Variants in FARP1 observed in about 807,000 individuals in gnomAD.
The protein encoded by FARP1 is FERM, ARHGEF and pleckstrin domain-containing protein 1.
A neutral mutation model predicts 128.8 loss-of-function variants in FARP1; 52 were observed. The observed-to-expected ratio is 0.40, with a 90% confidence interval of 0.32 to 0.51. The LOEUF (loss-of-function observed/expected upper bound fraction) is 0.51. FARP1 is among the 20% of genes least tolerant of loss of function. The pLI is 0.45. For synonymous variants in FARP1, 580 were observed against 551.8 expected, an observed-to-expected ratio of 1.05 and a Z score of -0.72; for missense variants, 1,333 against 1,367.9, an observed-to-expected ratio of 0.97 and a Z score of 0.40.
At chr13:98,326,363 AGTTCAG>A (rs1887232803) in intron 2 of FARP1, among the ~76,000 whole-genome samples, 1 of 152,248 alleles carries the variant, frequency 6.6e-6, no homozygotes, top group South Asian at 2.1e-4. Context: ...TTAAGCATAC[AGTTCAG>A]TAGCTTTTCG....
chr13:98,154,569 C>T (rs1405119057), intron 1 of FARP1, among the ~76,000 whole-genome samples: 7 of 152,102 alleles, frequency 4.6e-5, no homozygotes, highest in Non-Finnish European at 7.3e-5. Flanking sequence ...AATGGAACAG[C>T]GCCAGCGGGA....
In FARP1 at chr13:98,176,847, G is replaced by A. The variant is rs185956021; in HGVS notation, c.-24+33355G>A. The stretch of plus-strand genomic sequence containing the variant: ...GCAGTGCCTCCTGGACCCGCTGGCT[G>A]CACTTGAGGATGGTCGGCGTATGGT... On this transcript the variant is annotated intron_variant, in intron 1 of 26. Transcript: ENST00000319562. The surrounding 1 kb of genome is among the most constrained non-coding windows in gnomAD (Gnocchi z 6.2). The A allele has an allele frequency of 2.0e-5, 33 of 1,611,246 alleles. No individual in the cohort carries two copies. The highest frequency in any genetic ancestry group is 1.0e-4 in the Admixed American group (6 of 60,000).
At chr13:98,263,190 T>C (rs1883959715) in intron 2 of FARP1, among the ~76,000 whole-genome samples, 1 of 152,096 alleles carries the variant, frequency 6.6e-6, no homozygotes, top group Non-Finnish European at 1.5e-5. Context: ...GTACTTTTAA[T>C]AGAGATGGGG....
At chr13:98,211,654 T>A (rs1363657456) in intron 1 of FARP1, among the ~76,000 whole-genome samples, 1 of 152,218 alleles carries the variant, frequency 6.6e-6, no homozygotes, top group African/African-American at 2.4e-5. Flanking sequence ...CTTTTCCTTG[T>A]CTGTCTCCTG....
chr13:98,333,114 G>C (rs1887580184), intron 2 of FARP1: 1 of 152,088 alleles, frequency 6.6e-6, no homozygotes, highest in African/African-American at 2.4e-5. Context: ...CACATCTTTT[G>C]CTCTTGCTGG....
chr13:98,336,760 A>G (rs1887762043), intron 2 of FARP1, among the ~76,000 whole-genome samples: 1 of 152,222 alleles, frequency 6.6e-6, no homozygotes, highest in Non-Finnish European at 1.5e-5. Flanking sequence ...GAGGATGGAG[A>G]AGGCAACAGG....
chr13:98,218,606 C>T (rs142046458), intron 2 of FARP1, among the ~76,000 whole-genome samples: 15 of 152,192 alleles, frequency 9.9e-5, no homozygotes, highest in African/African-American at 2.2e-4. Flanking sequence ...CAGTGGGTAC[C>T]GTGTGTCTAC....
At chr13:98,371,652 T>A (rs754358742) in intron 5 of FARP1, among the ~76,000 whole-genome samples, 5 of 152,110 alleles carry the variant, frequency 3.3e-5, no homozygotes, top group Non-Finnish European at 7.4e-5. Flanking sequence ...CATCTCAAAT[T>A]CCTGTAGAAG....
At chr13:98,315,282 T>C (rs1349222939) in intron 2 of FARP1, among the ~76,000 whole-genome samples, 1 of 151,974 alleles carries the variant, frequency 6.6e-6, no homozygotes, top group Admixed American at 6.6e-5. Context: ...CTGTTTAACG[T>C]TTTTGCTGAG....
chr13:98,238,009 G>A (rs1162240004), intron 2 of FARP1, among the ~76,000 whole-genome samples: 1 of 152,130 alleles, frequency 6.6e-6, no homozygotes, highest in African/African-American at 2.4e-5. Flanking sequence ...ATGATTTGGG[G>A]AAAGTGAAAA....
chr13:98,326,024 A>C (rs1265626166), intron 2 of FARP1, among the ~76,000 whole-genome samples: 1 of 152,220 alleles, frequency 6.6e-6, no homozygotes, highest in Non-Finnish European at 1.5e-5. Flanking sequence ...ATGCTTCTGA[A>C]ATTTTTCTAT....
intron 2 of FARP1, among the ~76,000 whole-genome samples, chr13:98,304,284 T>C (rs1378468701): frequency 6.6e-6 from 1 of 152,180 alleles, no homozygotes; most frequent in Non-Finnish European, 1.5e-5. Context: ...AATTGAAGGC[T>C]CTTGTTTTTA....
intron 2 of FARP1, among the ~76,000 whole-genome samples, chr13:98,318,403 G>A (rs1299055983): frequency 2.0e-5 from 3 of 152,122 alleles, no homozygotes; most frequent in East Asian, 1.9e-4. Context: ...GGGCGGCATC[G>A]TTACGACCTC....
intron 16 of FARP1, among the ~76,000 whole-genome samples, chr13:98,412,769 G>A (rs988406122): frequency 5.9e-5 from 9 of 152,172 alleles, no homozygotes; most frequent in African/African-American, 2.2e-4. Flanking sequence ...TAAAATAGAA[G>A]GTTTTGTAGA....
chr13:98,365,894 G>GGTGTGTGTGT lies in FARP1; in HGVS notation c.319+472_319+481dup, dbSNP rs55871546. Among the ~76,000 whole-genome samples the GGTGTGTGTGT allele has an allele frequency of 7.3e-3, 1,090 of 148,360 alleles. 7 individuals carry two copies. The highest frequency in any genetic ancestry group is 0.016 in the South Asian group (75 of 4,706). On this transcript the variant is annotated intron_variant, in intron 4 of 26. Transcript: ENST00000319562. ...AAAGTGTGAGTGTGTGTGTGTATGT[G>GGTGTGTGTGT]GTGTGTGTGTGTGTGTGTGTGTGTT... is the stretch of plus-strand genomic sequence containing the variant.
chr13:98,280,811 G>A (rs1181625352), intron 2 of FARP1, among the ~76,000 whole-genome samples: 1 of 152,056 alleles, frequency 6.6e-6, no homozygotes, highest in African/African-American at 2.4e-5. Context: ...TTCTTTCTCT[G>A]GATGTTATTA....
At chr13:98,238,874 A>T (rs1272931667) in intron 2 of FARP1, among the ~76,000 whole-genome samples, 4 of 152,174 alleles carry the variant, frequency 2.6e-5, no homozygotes, top group African/African-American at 9.7e-5. Flanking sequence ...TTCTACTCAG[A>T]TTTTTGACTG....
chr13:98,387,986 T>A (rs1269240030), intron 8 of FARP1, among the ~76,000 whole-genome samples: 2 of 152,228 alleles, frequency 1.3e-5, no homozygotes, highest in African/African-American at 4.8e-5. Context: ...TAAGTCCATC[T>A]TGCTGGGTTT....
chr13:98,175,301 G>A lies in FARP1; in HGVS notation c.-24+31809G>A, dbSNP rs61968647. 5.1e-3 allele frequency among the ~76,000 whole-genome samples: 783 copies of A among 152,192 alleles called. 4 individuals are homozygous for A. The highest frequency in any genetic ancestry group is 9.9e-3 in the Admixed American group (152 of 15,286). ...TCTGTTGGTGTTTGTCTTGGGAGAG[G>A]AATACATTGCCATTTTAAGGGAGAG... On this transcript the variant is annotated intron_variant, in intron 1 of 26. Coordinates refer to ENST00000319562, the MANE Select transcript of FARP1 (RefSeq NM_005766.4).
Sources: gnomAD v4.1 joint callset for allele counts (sites outside exome capture counted in the v4.1 genomes callset) on GRCh38, gnomAD v4.1.1 for gene constraint, Gnocchi (gnomAD v3.1) non-coding constraint, MANE v1.5 for transcripts, NCBI Gene and HGNC (gene_info 2026-07-23, HGNC 2026-07-21) for gene names.